Variants in SBF2 observed in about 807,000 individuals in gnomAD.
SBF2 encodes SET binding factor 2, also known as myotubularin-related protein 13.
Under a neutral mutation model 225.2 loss-of-function variants are expected in SBF2, and 112 were observed. The observed-to-expected ratio is 0.50, with a 90% confidence interval of 0.43 to 0.58. The LOEUF (loss-of-function observed/expected upper bound fraction) is 0.58. Among genes scored for constraint, SBF2 ranks in the 20% least tolerant of loss-of-function variants. The pLI, the probability that SBF2 is intolerant of heterozygous loss-of-function variation, is 0.00. For missense variants in SBF2, 1,996 were observed against 2,206.2 expected, an observed-to-expected ratio of 0.90 and a Z score of 1.91; for synonymous variants, 763 against 773.3, an observed-to-expected ratio of 0.99 and a Z score of 0.22.
chr11:9,951,071 A>G (rs573036081), intron 16 of SBF2, among the ~76,000 whole-genome samples: 1 of 152,286 alleles, frequency 6.6e-6, no homozygotes, highest in Non-Finnish European at 1.5e-5. Context: ...GAAGGCTTCC[A>G]GAAAGAAATG....
Position 9,989,523 on chromosome 11 carries a change from C to T in SBF2, c.1369G>A (p.Glu457Lys). Residue 457 changes from glutamate to lysine, a missense_variant, in exon 13 of 40, where the codon GAA (glutamate) becomes AAA (lysine). By Grantham distance (56) the Glu-to-Lys change is moderately conservative (BLOSUM62 1). Coordinates refer to ENST00000256190, the MANE Select transcript of SBF2 (RefSeq NM_030962.4). ...TTTTTGAATAGTTGCTCAGCAAGTT[C>T]CCTGACATGCTTTATCATCTTCACT... Reference protein sequence around the residue: ...NPVKMIKHVRELAEQLFKNEN... With the variant: ...NPVKMIKHVRKLAEQLFKNEN... The T allele has an allele frequency of 6.2e-7, 1 of 1,603,762 alleles. No homozygotes were observed. Among genetic ancestry groups the T allele is most frequent in the South Asian group, 1.1e-5 (1 of 90,300 alleles).
intron 28 of SBF2, among the ~76,000 whole-genome samples, chr11:9,827,262 T>G (rs1855124380): frequency 6.6e-6 from 1 of 151,958 alleles, no homozygotes; most frequent in Non-Finnish European, 1.5e-5. Context: ...AGGTGCTTTC[T>G]CACGCCTGTA....
At chr11:10,173,919 C>A (rs369930469) in intron 2 of SBF2, among the ~76,000 whole-genome samples, 5 of 151,304 alleles carry the variant, frequency 3.3e-5, no homozygotes, top group Admixed American at 1.3e-4. Flanking sequence ...CTCACAGGGC[C>A]GGGTACTCCA....
chr11:10,108,515 CTTTTTTT>C (rs34189666), intron 2 of SBF2, among the ~76,000 whole-genome samples: 11 of 83,482 alleles, frequency 1.3e-4, no homozygotes, highest in East Asian at 7.5e-4. Context: ...TAATAGTTAA[CTTTTTTT>C]TTTTTTTTTT....
intron 1 of SBF2, among the ~76,000 whole-genome samples, chr11:10,267,190 A>G (rs1591336255): frequency 6.6e-6 from 1 of 152,364 alleles, no homozygotes; most frequent in East Asian, 1.9e-4. Flanking sequence ...TACTTGGAAT[A>G]TAGATGGGAT....
chr11:9,890,954 T>G (rs1302922578), intron 17 of SBF2, among the ~76,000 whole-genome samples: 2 of 151,924 alleles, frequency 1.3e-5, no homozygotes, highest in Non-Finnish European at 2.9e-5. Flanking sequence ...GCCAACGTGG[T>G]GAATCCCCAT....
At chr11:10,166,989 A>ACACACACACACACACACACACAC (rs34539770) in intron 2 of SBF2, among the ~76,000 whole-genome samples, 1 of 151,374 alleles carries the variant, frequency 6.6e-6, no homozygotes, top group Non-Finnish European at 1.5e-5. Context: ...ACACACACAC[A>ACACACACACACACACACACACAC]AAAAGGCTAC....
At chr11:9,975,880 G>A (rs182233247) in intron 13 of SBF2, among the ~76,000 whole-genome samples, 131 of 151,730 alleles carry the variant, frequency 8.6e-4, no homozygotes, top group African/African-American at 3.0e-3. Flanking sequence ...ATGACATGTA[G>A]TGAAATTAAC....
intron 17 of SBF2, among the ~76,000 whole-genome samples, chr11:9,894,341 A>G (rs574482816): frequency 9.5e-4 from 144 of 152,208 alleles, no homozygotes; most frequent in South Asian, 7.3e-3. Flanking sequence ...ACACGGTGAA[A>G]CCCTGTCTCT....
At chr11:9,877,437 T>C (rs4910069) in intron 17 of SBF2, among the ~76,000 whole-genome samples, 67,344 of 151,984 alleles carry the variant, frequency 0.44, 15,294 homozygotes, top group African/African-American at 0.48. Flanking sequence ...AGGGTACATG[T>C]GCACAATGTG....
In SBF2 at chr11:10,031,182, G is replaced by A. The variant is rs1293189101; in HGVS notation, c.280-12C>T. ...TCCTTCTTTGTTCCCTAGAAAAAGA[G>A]ACACTGAAATCAACAAACAGAAGGG... On this transcript the variant is annotated splice_polypyrimidine_tract_variant and intron_variant, in intron 3 of 39. Coordinates refer to ENST00000256190, the MANE Select transcript of SBF2 (RefSeq NM_030962.4). 8 of 1,612,674 alleles carry A rather than the reference G, an allele frequency of 5.0e-6. No individual in the cohort carries two copies. The highest frequency in any genetic ancestry group is 3.3e-5 in the South Asian group (3 of 91,002).
chr11:10,213,574 G>C (rs56269788), intron 1 of SBF2, among the ~76,000 whole-genome samples: 1 of 152,256 alleles, frequency 6.6e-6, no homozygotes, highest in East Asian at 1.9e-4. Context: ...CAATTCTTTT[G>C]ATGCACAAAA....
At chr11:10,215,709 C>G (rs1259047009) in intron 1 of SBF2, among the ~76,000 whole-genome samples, 1 of 152,336 alleles carries the variant, frequency 6.6e-6, no homozygotes, top group East Asian at 1.9e-4. Context: ...CATATCATTT[C>G]TTGCATAGAC....
intron 1 of SBF2, 105 bp downstream of exon 1, chr11:10,293,910 C>A: frequency 1.3e-6 from 1 of 754,034 alleles, no homozygotes. Flanking sequence ...GAGACTCGGC[C>A]TGGCCCTCCC....
At chr11:9,834,642 A>AT (rs1855623888) in intron 26 of SBF2, among the ~76,000 whole-genome samples, 2 of 152,294 alleles carry the variant, frequency 1.3e-5, no homozygotes, top group South Asian at 4.1e-4. Flanking sequence ...TGTGGCCTGA[A>AT]TTTTTGTAAT....
At chr11:10,280,905 G>A (rs1963365691) in intron 1 of SBF2, among the ~76,000 whole-genome samples, 1 of 152,198 alleles carries the variant, frequency 6.6e-6, no homozygotes, top group Non-Finnish European at 1.5e-5. Flanking sequence ...TATAGATTAT[G>A]TGTACAGTTA....
At chr11:9,835,929 T>C (rs1319857775) in intron 26 of SBF2, among the ~76,000 whole-genome samples, 1 of 152,132 alleles carries the variant, frequency 6.6e-6, no homozygotes, top group Non-Finnish European at 1.5e-5. Context: ...TTCTTGTAGA[T>C]GTCTTTTGGG....
chr11:9,937,988 A>C (rs1000588454), intron 16 of SBF2, among the ~76,000 whole-genome samples: 4 of 152,186 alleles, frequency 2.6e-5, no homozygotes, highest in Non-Finnish European at 4.4e-5. Flanking sequence ...GGGAAGACTT[A>C]TAAGAAAATA....
At chr11:10,045,222 C>G (rs1204545439) in intron 2 of SBF2, among the ~76,000 whole-genome samples, 1 of 150,670 alleles carries the variant, frequency 6.6e-6, no homozygotes, top group Admixed American at 6.6e-5. Context: ...GGCTGGAGTG[C>G]AGTGGCACGA....
Sources: gnomAD v4.1 joint callset for allele counts (sites outside exome capture counted in the v4.1 genomes callset) on GRCh38, gnomAD v4.1.1 for gene constraint, MANE v1.5 for transcripts, NCBI Gene and HGNC (gene_info 2026-07-23, HGNC 2026-07-21) for gene names.